The following SYN1 variants were observed in gnomAD, a reference collection of about 807,000 sequenced individuals.
SYN1 encodes the protein synapsin I, also known as synapsin-1.
SYN1 carries 8 observed loss-of-function variants against 44.6 expected under a neutral mutation model. That is an observed-to-expected ratio of 0.18 (90% CI 0.11 to 0.32). The LOEUF (loss-of-function observed/expected upper bound fraction) is 0.32, where lower values mean the gene tolerates loss of function less well. SYN1 is among the 10% of genes least tolerant of loss of function. The pLI, the probability that SYN1 is intolerant of heterozygous loss-of-function variation, is 1.00. For missense variants in SYN1, 451 were observed against 639.4 expected (o/e 0.71, Z 3.18); for synonymous variants, 275 against 280.1 (o/e 0.98, Z 0.18).
chrX:47,606,332 T>C (rs1254009663), intron 3 of SYN1, among the ~76,000 whole-genome samples: 1 of 108,841 alleles, frequency 9.2e-6, no homozygotes. Context: ...GTAGAATATC[T>C]CCTGGCACAC....
chrX:47,584,671 G>GCA (rs2057815097), intron 5 of SYN1, among the ~76,000 whole-genome samples: 1 of 112,121 alleles, frequency 8.9e-6, no homozygotes, highest in Non-Finnish European at 1.9e-5. Context: ...ACAATGTCTG[G>GCA]CACACAGTGG....
intron 5 of SYN1, among the ~76,000 whole-genome samples, chrX:47,603,356 C>G (rs927297152): frequency 9.0e-6 from 1 of 110,817 alleles, no homozygotes; most frequent in African/African-American, 3.3e-5. Flanking sequence ...GCCACCATGC[C>G]GGGCTGATTT....
At chrX:47,613,001 C>T (rs1341828105) in intron 1 of SYN1, among the ~76,000 whole-genome samples, 2 of 110,382 alleles carry the variant, frequency 1.8e-5, no homozygotes, top group East Asian at 2.8e-4. Context: ...GGCGTGGTGG[C>T]GCACGCCTGT....
rs143770030 is a variant in SYN1 at position 47,609,575 on chromosome X, C to T, written c.378-2377G>A. Reference sequence around the variant, plus strand: ...ACCTCAAAGTCTTTTTCCAGGGAACCCAACCTAAAACAGTGGGCCATGGAA... The same window carrying T: ...ACCTCAAAGTCTTTTTCCAGGGAACTCAACCTAAAACAGTGGGCCATGGAA... On this transcript the variant is annotated intron_variant, in intron 1 of 12. Transcript: ENST00000295987. 2.7e-3 allele frequency among the ~76,000 whole-genome samples: 301 copies of T among 112,428 alleles called. 4 individuals carry two copies. Among genetic ancestry groups the T allele is most frequent in the African/African-American group, 7.8e-3 (243 of 30,963 alleles).
chrX:47,582,304 C>T (rs1336608093), intron 5 of SYN1: 1 of 134,757 alleles, frequency 7.4e-6, no homozygotes. Context: ...CGTCGGCCCG[C>T]CCCTTGGCTT....
Position 47,572,719 on chromosome X carries a change from C to G in SYN1, c.*145G>C, listed in dbSNP as rs1288888112. The G allele has an allele frequency of 1.9e-5, 17 of 897,695 alleles. No individual in the cohort carries two copies. Among genetic ancestry groups the G allele is most frequent in the Non-Finnish European group, 2.7e-5 (17 of 638,161 alleles). 74.0% of individuals were successfully genotyped at this position (897,695 alleles called of 1,213,427 possible). Reference sequence around the variant, plus strand: ...AGGAGGAGTCAGGTTTCTCAAGGTACTCGGGGATCTTGAGGAATGAGAGGT... The same window carrying G: ...AGGAGGAGTCAGGTTTCTCAAGGTAGTCGGGGATCTTGAGGAATGAGAGGT... On this transcript the variant is annotated 3_prime_UTR_variant, in exon 13 of 13. Coordinates refer to ENST00000295987, the MANE Select transcript of SYN1 (RefSeq NM_006950.3).
In SYN1 at chrX:47,599,577, T is replaced by C. The variant is rs779595073; in HGVS notation, c.774+5401A>G. Among the ~76,000 whole-genome samples, 3 of 112,810 alleles carry C rather than the reference T, an allele frequency of 2.7e-5. No homozygotes were observed. In the South Asian group the frequency reaches 1.1e-3, roughly 41 times the overall value. On this transcript the variant is annotated intron_variant, in intron 5 of 12. Coordinates refer to ENST00000295987, the MANE Select transcript of SYN1 (RefSeq NM_006950.3). The stretch of plus-strand genomic sequence containing the variant: ...TTCTAGGATTTGACATTTTCAATGA[T>C]TGAGAATTACTATATTTTGTAAGTG...
chrX:47,574,333 AGGCG>A lies in SYN1; in HGVS notation c.1647_1650del (p.Ala550LeufsTer116), dbSNP rs1456167867. 6 of 1,055,089 alleles carry A rather than the reference AGGCG, an allele frequency of 5.7e-6. No homozygotes were observed. The highest frequency in any genetic ancestry group is 6.1e-6 in the Non-Finnish European group (5 of 825,508). The allele number at this position is 1,055,089 out of a possible 1,213,427, so 87.0% of individuals were successfully genotyped here. A position where few individuals can be genotyped will look rare whatever the true frequency, so the allele number is the denominator to read the frequency against. On this transcript the variant is annotated frameshift_variant, in exon 12 of 13. Transcript: ENST00000295987. LOFTEE classifies it high-confidence loss of function. ...CCCGCCTGGCGCTGGGGAGACGGAG[AGGCG>A]GGCGGGCGGGCTGCTGGAGGCGCCC...
chrX:47,616,873 G>A (rs1368805653), intron 1 of SYN1, among the ~76,000 whole-genome samples: 1 of 111,139 alleles, frequency 9.0e-6, no homozygotes, highest in Admixed American at 9.6e-5. Flanking sequence ...TGTGTAAAAG[G>A]CAGGATGGAG....
Position 47,574,182 on chromosome X carries a change from G to A in SYN1, c.1802C>T (p.Thr601Ile). ...GGGACCCGCCTGGCTGGCCTGGCGT[G>A]TGGGGCCGGCTGGGCCTGGGGGTTT... ...PQKPPGPAGPTRQASQAGPVP... is the reference protein window; with the variant it reads ...PQKPPGPAGPIRQASQAGPVP... Residue 601 changes from threonine (T) to isoleucine (I), a missense_variant, in exon 12 of 13, where the codon ACA becomes ATA. By Grantham distance (89) the Thr-to-Ile change is moderately conservative. Coordinates refer to ENST00000295987, the MANE Select transcript of SYN1 (RefSeq NM_006950.3). The A allele has an allele frequency of 1.9e-6, 2 of 1,058,783 alleles. No individual in the cohort carries two copies. The highest frequency in any genetic ancestry group is 2.5e-5 in the South Asian group (1 of 39,216). 87.3% of individuals were successfully genotyped at this position (1,058,783 alleles called of 1,213,427 possible).
chrX:47,614,166 G>A (rs770413000), intron 1 of SYN1, among the ~76,000 whole-genome samples: 75 of 112,003 alleles, frequency 6.7e-4, no homozygotes, highest in Non-Finnish European at 1.2e-3. Flanking sequence ...GGCAGGGGAC[G>A]TGACCAACCT....
intron 5 of SYN1, among the ~76,000 whole-genome samples, chrX:47,579,070 C>G (rs2057787487): frequency 1.8e-5 from 2 of 111,530 alleles, no homozygotes; most frequent in Admixed American, 9.5e-5. Flanking sequence ...ATATGCAACC[C>G]AGATCCGCTT....
intron 5 of SYN1, among the ~76,000 whole-genome samples, chrX:47,579,849 G>GCCCCCCCCCCCCCCCCCCCCCCCCCCCCC (rs140381513): frequency 3.6e-5 from 3 of 83,146 alleles, no homozygotes; most frequent in Admixed American, 1.4e-4. Flanking sequence ...TGTTTTTGTC[G>GCCCCCCCCCCCCCCCCCCCCCCCCCCCCC]CCCCCCCACC....
chrX:47,602,460 G>C (rs1388333318), intron 5 of SYN1, among the ~76,000 whole-genome samples: 1 of 111,414 alleles, frequency 9.0e-6, no homozygotes, highest in African/African-American at 3.3e-5. Context: ...TGGCCAACAT[G>C]GTGAAACCCC....
intron 3 of SYN1, among the ~76,000 whole-genome samples, chrX:47,606,358 A>C (rs1482812557): frequency 9.1e-6 from 1 of 109,398 alleles, no homozygotes; most frequent in Admixed American, 9.8e-5. Context: ...GTGTACAATA[A>C]ATATTTATTG....
chrX:47,615,847 G>A (rs1173497810), intron 1 of SYN1, among the ~76,000 whole-genome samples: 1 of 110,121 alleles, frequency 9.1e-6, no homozygotes, highest in African/African-American at 3.3e-5. Context: ...AGCCGAGATC[G>A]TGCCATTGCA....
At chrX:47,597,695 G>C (rs886252461) in intron 5 of SYN1, among the ~76,000 whole-genome samples, 4 of 111,781 alleles carry the variant, frequency 3.6e-5, no homozygotes, top group African/African-American at 1.3e-4. Context: ...GAAGTGCACT[G>C]AACTCCAACT....
chrX:47,577,564 C>T (rs998734143), intron 5 of SYN1, 63 bp from the exon 6 acceptor site: 70 of 1,054,264 alleles, frequency 6.6e-5, no homozygotes, highest in South Asian at 9.9e-5. Flanking sequence ...AGGGGTGGGG[C>T]GGCACTGAGG....
At chrX:47,589,011 C>T (rs5906435) in intron 5 of SYN1, among the ~76,000 whole-genome samples, 30,611 of 110,486 alleles carry the variant, frequency 0.28, 3,633 homozygotes, top group South Asian at 0.44. Flanking sequence ...GGTCAAAACA[C>T]AGGAAATGGG....
Sources: gnomAD v4.1 joint callset for allele counts (sites outside exome capture counted in the v4.1 genomes callset) on GRCh38, gnomAD v4.1.1 for gene constraint, MANE v1.5 for transcripts, NCBI Gene and HGNC (gene_info 2026-07-23, HGNC 2026-07-21) for gene names.